IGSF5: variants seen among roughly 807,000 people sequenced by gnomAD.
IGSF5 encodes the protein immunoglobulin superfamily member 5, also known as immunoglobulin superfamily 5 like.
A neutral mutation model predicts 39.4 loss-of-function variants in IGSF5; 41 were observed. The ratio of observed to expected loss-of-function variants is 1.04; its 90% CI spans 0.81 to 1.35. IGSF5 has a LOEUF of 1.35. IGSF5 is among the 40% of genes most tolerant of loss of function. IGSF5 has a pLI of 0.00. For missense variants in IGSF5, 487 were observed against 494.6 expected, an observed-to-expected ratio of 0.98 and a Z score of 0.15; for synonymous variants, 183 against 175.3, an observed-to-expected ratio of 1.04 and a Z score of -0.34.
intron 7 of IGSF5, 106 bp downstream of exon 7, chr21:39,792,205 G>T (rs2086969702): frequency 3.1e-6 from 2 of 655,550 alleles, no homozygotes; most frequent in Admixed American, 3.0e-5. Context: ...TGGCAATGGT[G>T]GTTATTATTT....
Position 39,779,308 on chromosome 21 carries a change from A to G in IGSF5, c.934+3A>G. On this transcript the variant is annotated splice_donor_region_variant and intron_variant, in intron 5 of 8. Transcript: ENST00000380588. ...TTTCTGCTGTAGAAGAAAAAGAGGT[A>G]ATTTTTTTGTTCATTTACATTTGTA... 1.9e-6 allele frequency: 3 copies of G among 1,610,680 alleles called. No homozygotes were observed. Among genetic ancestry groups the G allele is most frequent in the Non-Finnish European group, 2.5e-6 (3 of 1,177,856 alleles).
chr21:39,765,773 G>A lies in IGSF5; in HGVS notation c.339G>A (p.Val113=), dbSNP rs201026509. 3 of 1,614,088 alleles carry A rather than the reference G, an allele frequency of 1.9e-6. No individual in the cohort carries two copies. The Admixed American group carries it at 5.0e-5, about 27-fold the overall frequency. Residue 113 remains valine (V), a synonymous_variant, in exon 3 of 9, where the codon GTG becomes GTA. Coordinates refer to ENST00000380588, the MANE Select transcript of IGSF5 (RefSeq NM_001080444.2). The stretch of plus-strand genomic sequence containing the variant: ...CCTCGGAGATGATCATCCACAATGT[G>A]GAGCCCAGTGATTCGGGGAACATCA... ...NFTSEMIIHN[V]EPSDSGNIRC... is the part of the protein sequence containing the mutation.
chr21:39,792,362 C>T lies in IGSF5; in HGVS notation c.1048+263C>T, dbSNP rs375345533. Among the ~76,000 whole-genome samples, 4 of 152,028 alleles carry T rather than the reference C, an allele frequency of 2.6e-5. No homozygotes were observed. In the East Asian group the frequency reaches 5.8e-4, roughly 22 times the overall value. Reference sequence around the variant, plus strand: ...TAAAAAACTTTGTTTTTTTCCATCACACACTGGGGCCTGCCATAGGGTGGG... The same window carrying T: ...TAAAAAACTTTGTTTTTTTCCATCATACACTGGGGCCTGCCATAGGGTGGG... On this transcript the variant is annotated intron_variant, in intron 7 of 8. Transcript: ENST00000380588.
At chr21:39,738,090 C>G in the IGSF5 span, among the ~76,000 whole-genome samples, 5 of 152,178 alleles carry the variant, frequency 3.3e-5, no homozygotes, top group African/African-American at 1.2e-4. The surrounding 1 kb of genome is among the most constrained non-coding windows in gnomAD (Gnocchi z 6.4). Flanking sequence ...CACTTCTACT[C>G]TCTTACATTC....
chr21:39,762,759 C>T (rs1009784589), intron 2 of IGSF5, among the ~76,000 whole-genome samples: 10 of 152,098 alleles, frequency 6.6e-5, no homozygotes, highest in African/African-American at 2.4e-4. Flanking sequence ...GAAAGCAGCC[C>T]CCACTATATA....
chr21:39,743,262 T>C (rs1460079185), upstream of IGSF5, among the ~76,000 whole-genome samples: 1 of 152,220 alleles, frequency 6.6e-6, no homozygotes, highest in African/African-American at 2.4e-5. Context: ...CTGACTGAGA[T>C]ACCAGAGATC....
intron 2 of IGSF5, among the ~76,000 whole-genome samples, chr21:39,755,394 G>C (rs2080024271): frequency 6.6e-6 from 1 of 151,880 alleles, no homozygotes; most frequent in African/African-American, 2.4e-5. Flanking sequence ...AGACCATCCT[G>C]GCTAACACGG....
the IGSF5 span, among the ~76,000 whole-genome samples, chr21:39,712,967 G>A: frequency 3.9e-5 from 6 of 152,160 alleles, no homozygotes; most frequent in African/African-American, 1.4e-4. Context: ...GCTCCAAGTA[G>A]ATGACATTGG....
the IGSF5 span, among the ~76,000 whole-genome samples, chr21:39,732,243 T>G: frequency 3.3e-5 from 5 of 152,212 alleles, no homozygotes; most frequent in Admixed American, 6.5e-5. Context: ...TGTTCTTATT[T>G]GAAATCACTA....
the IGSF5 span, among the ~76,000 whole-genome samples, chr21:39,716,863 C>T: frequency 6.6e-6 from 1 of 152,200 alleles, no homozygotes; most frequent in African/African-American, 2.4e-5. Context: ...GGTATTTACC[C>T]ATTAATGGGA....
intron 1 of IGSF5, 63 bp downstream of exon 1, chr21:39,745,589 A>G (rs2146267758): frequency 1.4e-6 from 1 of 713,408 alleles, no homozygotes; most frequent in South Asian, 1.5e-5. Flanking sequence ...GATCTCAATC[A>G]GCTACTGCTG....
intron 2 of IGSF5, among the ~76,000 whole-genome samples, chr21:39,746,989 G>T (rs546667386): frequency 6.6e-6 from 1 of 152,350 alleles, no homozygotes; most frequent in African/African-American, 2.4e-5. Context: ...CAGGCACTTG[G>T]CTTGGTTAGT....
chr21:39,766,003 G>T, intron 3 of IGSF5, 151 bp downstream of exon 3: 1 of 729,010 alleles, frequency 1.4e-6, no homozygotes. Flanking sequence ...AATGTTTTGC[G>T]ATTTATTTGT....
intron 4 of IGSF5, among the ~76,000 whole-genome samples, chr21:39,775,447 G>A (rs749080025): frequency 1.6e-4 from 24 of 152,194 alleles, no homozygotes; most frequent in Non-Finnish European, 2.9e-4. Context: ...GTATTAATAT[G>A]TACTTGGCAC....
chr21:39,793,553 C>A lies in IGSF5; in HGVS notation c.1068C>A (p.Pro356=). The A allele has an allele frequency of 6.2e-7, 1 of 1,614,064 alleles. No homozygotes were observed. The change falls in exon 8 of 9, where the codon CCC becomes CCA. Residue 356 remains proline, a synonymous_variant. Transcript: ENST00000380588. ...QKTTDTASLP[P]KSCESSDPEQ... ...TTGCAGACACCGCTTCTCTCCCTCC[C>A]AAATCCTGTGAATCCAGTGATCCTG...
intron 6 of IGSF5, among the ~76,000 whole-genome samples, chr21:39,788,816 G>A (rs1156486706): frequency 6.6e-6 from 1 of 152,212 alleles, no homozygotes; most frequent in Non-Finnish European, 1.5e-5. Context: ...TGTGCACCAA[G>A]GGGAGGGTTT....
intron 4 of IGSF5, among the ~76,000 whole-genome samples, chr21:39,776,478 G>A (rs1238895881): frequency 1.3e-5 from 2 of 152,186 alleles, no homozygotes; most frequent in African/African-American, 2.4e-5. Flanking sequence ...GTCAGAGTTT[G>A]GGTCTTTTAA....
At chr21:39,745,941 G>A (rs971600808) in intron 1 of IGSF5, among the ~76,000 whole-genome samples, 1 of 152,168 alleles carries the variant, frequency 6.6e-6, no homozygotes, top group African/African-American at 2.4e-5. Flanking sequence ...TGCTCCCAGA[G>A]CTCCCAAGAT....
chr21:39,789,727 A>G (rs760285), intron 6 of IGSF5, among the ~76,000 whole-genome samples: 48,884 of 152,098 alleles, frequency 0.32, 8,260 homozygotes, highest in East Asian at 0.47. Context: ...CTATAGTTCC[A>G]AAGTAATTAT....
Sources: gnomAD v4.1 joint callset for allele counts (sites outside exome capture counted in the v4.1 genomes callset) on GRCh38, gnomAD v4.1.1 for gene constraint, Gnocchi (gnomAD v3.1) non-coding constraint, MANE v1.5 for transcripts, NCBI Gene and HGNC (gene_info 2026-07-23, HGNC 2026-07-21) for gene names.